Variants in BAZ1B observed in about 807,000 individuals in gnomAD.
BAZ1B encodes the protein tyrosine-protein kinase BAZ1B.
A neutral mutation model predicts 153.8 loss-of-function variants in BAZ1B; 22 were observed. The ratio of observed to expected loss-of-function variants is 0.14; its 90% CI spans 0.10 to 0.20. The LOEUF is 0.20. Ranked by LOEUF, BAZ1B falls within the 10% of genes least tolerant of loss-of-function variation. The pLI is 1.00. For missense variants in BAZ1B, 1,325 were observed against 1,799.3 expected, an observed-to-expected ratio of 0.74 and a Z score of 4.77; for synonymous variants, 676 against 633.4, an observed-to-expected ratio of 1.07 and a Z score of -1.01.
At chr7:73,454,507 T>C (rs1402362916) in intron 13 of BAZ1B, among the ~76,000 whole-genome samples, 2 of 152,108 alleles carry the variant, frequency 1.3e-5, no homozygotes, top group African/African-American at 4.8e-5. Flanking sequence ...CAGGAAGAAA[T>C]GTAGGGGGAA....
In BAZ1B at chr7:73,500,866, G is replaced by T. The variant is rs190941790; in HGVS notation, c.370-2168C>A. ...AGATCGCGCCATTGCACTCCAGCCT[G>T]GGCAACAAGCAAAACTCTGTTTATA... On this transcript the variant is annotated intron_variant, in intron 3 of 19. Transcript: ENST00000339594. 4.7e-5 allele frequency among the ~76,000 whole-genome samples: 7 copies of T among 150,242 alleles called. No homozygotes were observed. In the East Asian group the frequency reaches 1.4e-3, roughly 29 times the overall value.
chr7:73,480,336 C>T (rs1161433343), intron 6 of BAZ1B, among the ~76,000 whole-genome samples: 1 of 152,070 alleles, frequency 6.6e-6, no homozygotes, highest in African/African-American at 2.4e-5. Context: ...CATATACAAT[C>T]AGTTAACAGG....
chr7:73,446,028 G>A (rs1461936228), intron 16 of BAZ1B, among the ~76,000 whole-genome samples: 1 of 152,168 alleles, frequency 6.6e-6, no homozygotes. Flanking sequence ...GAGCCCATAC[G>A]TATGTGAGAG....
chr7:73,485,503 G>C (rs1386379564), intron 6 of BAZ1B, among the ~76,000 whole-genome samples: 1 of 151,830 alleles, frequency 6.6e-6, no homozygotes, highest in Non-Finnish European at 1.5e-5. Context: ...GTGAGCACCG[G>C]TAATCCTAGC....
intron 3 of BAZ1B, among the ~76,000 whole-genome samples, chr7:73,506,283 G>T (rs1206618140): frequency 2.0e-5 from 3 of 151,876 alleles, no homozygotes; most frequent in Non-Finnish European, 4.4e-5. Context: ...TGGATCACAA[G>T]GTCTGGAGAT....
chr7:73,449,018 G>A (rs961174531), intron 15 of BAZ1B, among the ~76,000 whole-genome samples: 10 of 152,252 alleles, frequency 6.6e-5, no homozygotes, highest in Middle Eastern at 3.4e-3. Flanking sequence ...AAATGATAGC[G>A]GAGACCACGG....
At chr7:73,506,681 G>A (rs1285089485) in intron 3 of BAZ1B, among the ~76,000 whole-genome samples, 3 of 146,034 alleles carry the variant, frequency 2.1e-5, no homozygotes, top group Non-Finnish European at 4.5e-5. Flanking sequence ...GAGAGAACCC[G>A]TCTCTACCAA....
Position 73,463,239 on chromosome 7 carries a change from CTTTTTTTT to C in BAZ1B, c.3072-148_3072-141del, listed in dbSNP as rs11340027. 157 of 466,544 alleles carry C rather than the reference CTTTTTTTT, an allele frequency of 3.4e-4. 1 individual carries two copies. The highest frequency in any genetic ancestry group is 2.6e-3 in the East Asian group (57 of 22,220). 28.9% of individuals were successfully genotyped at this position (466,544 alleles called of 1,614,324 possible). A position where few individuals can be genotyped will look rare whatever the true frequency, so the allele number is the denominator to read the frequency against. ...CTCTCCCTGGTGTTTTTTCTTTTTT[CTTTTTTTT>C]TTTTTTTTTTCCCCCGAGACAGGGT... On this transcript the variant is annotated intron_variant, in intron 11 of 19. Transcript: ENST00000339594.
intron 13 of BAZ1B, among the ~76,000 whole-genome samples, chr7:73,452,764 C>T (rs1788065920): frequency 6.6e-6 from 1 of 151,532 alleles, no homozygotes; most frequent in African/African-American, 2.4e-5. Flanking sequence ...TCAGCAGGCT[C>T]CTCGACTTAT....
At position 73,487,843 on chromosome 7, in the gene BAZ1B, T is replaced by C. The variant is rs544508274; in HGVS notation, c.891+1351A>G. Reference sequence around the variant, plus strand: ...GCCAATTACTTTCTAAATTTTTCCTTTTAAGCAAATAATAATAATTTAAAG... The same window carrying C: ...GCCAATTACTTTCTAAATTTTTCCTCTTAAGCAAATAATAATAATTTAAAG... On this transcript the variant is annotated intron_variant, in intron 6 of 19. Transcript: ENST00000339594. Among the ~76,000 whole-genome samples, 13 of 152,350 alleles carry C rather than the reference T, an allele frequency of 8.5e-5. No individual in the cohort carries two copies. The East Asian group carries it at 2.5e-3, about 29-fold the overall frequency.
Position 73,477,069 on chromosome 7 carries a change from G to A in BAZ1B, c.2392C>T (p.Arg798Trp), listed in dbSNP as rs782443863. 7.4e-6 allele frequency: 12 copies of A among 1,613,668 alleles called. No individual in the cohort carries two copies. Among genetic ancestry groups the A allele is most frequent in the African/African-American group, 1.3e-5 (1 of 74,760 alleles). The stretch of plus-strand genomic sequence containing the variant: ...TTATTTTTGGCTTCCATTTCTTTCC[G>A]TTTCTGTTTCTCTGCTCTCTTCTTA... ...NDKKRAEKQK[R>W]KEMEAKNKEN... The change falls in exon 7 of 20, where the codon CGG becomes TGG. Residue 798 changes from arginine to tryptophan, a missense_variant. Physicochemically the swap from Arg to Trp is moderately radical, Grantham distance 101. Transcript: ENST00000339594. The surrounding 1 kb of genome is among the most constrained non-coding windows in gnomAD (Gnocchi z 5.6).
At chr7:73,487,641 G>GT (rs1789461604) in intron 6 of BAZ1B, among the ~76,000 whole-genome samples, 1 of 152,174 alleles carries the variant, frequency 6.6e-6, no homozygotes, top group Non-Finnish European at 1.5e-5. Context: ...GTTTCATGGA[G>GT]TTCTCATATA....
rs782661127 is a variant in BAZ1B at position 73,507,897 on chromosome 7, C to G, written c.369+430G>C. 3.6e-4 allele frequency among the ~76,000 whole-genome samples: 55 copies of G among 152,052 alleles called. 1 individual carries two copies. The highest frequency in any genetic ancestry group is 5.3e-4 in the Non-Finnish European group (36 of 68,008). On this transcript the variant is annotated intron_variant, in intron 3 of 19. Coordinates refer to ENST00000339594, the MANE Select transcript of BAZ1B (RefSeq NM_032408.4). The stretch of plus-strand genomic sequence containing the variant: ...CAAATAAATAAAAATAAAATTTAGT[C>G]CTTATAATAATTGATGGGAGGCCAA...
chr7:73,466,478 C>T, intron 9 of BAZ1B, 77 bp from the exon 10 acceptor site: 3 of 898,448 alleles, frequency 3.3e-6, no homozygotes, highest in Non-Finnish European at 5.4e-6. Flanking sequence ...GTACACAGTG[C>T]CAAACTCAAC....
chr7:73,472,498 T>C (rs1788843667), intron 7 of BAZ1B, among the ~76,000 whole-genome samples: 1 of 152,216 alleles, frequency 6.6e-6, no homozygotes, highest in Non-Finnish European at 1.5e-5. Flanking sequence ...CCTCAGGTGA[T>C]CCGCCCACCT....
chr7:73,518,404 C>G lies in BAZ1B; in HGVS notation c.107+3423G>C, dbSNP rs868915005. Reference sequence around the variant, plus strand: ...CTCCAGCCTGGGCGACAGAGCGAGACTCCGTCTCAAAAAATAAATAAATAA... The same window carrying G: ...CTCCAGCCTGGGCGACAGAGCGAGAGTCCGTCTCAAAAAATAAATAAATAA... On this transcript the variant is annotated intron_variant, in intron 1 of 19. Transcript: ENST00000339594. 5.3e-5 allele frequency among the ~76,000 whole-genome samples: 8 copies of G among 151,224 alleles called. 1 individual carries two copies. The Middle Eastern group carries it at 0.02, about 386-fold the overall frequency.
rs781861600 is a variant in BAZ1B at position 73,478,329 on chromosome 7, G to C, written c.1132C>G (p.Leu378Val). Residue 378 changes from leucine (L) to valine (V), a missense_variant, in exon 7 of 20, where the codon CTG becomes GTG. This residue lies in a region of BAZ1B where 219 missense variants were observed against 248.2 expected (regional missense o/e 0.88). Coordinates refer to ENST00000339594, the MANE Select transcript of BAZ1B (RefSeq NM_032408.4). ...EMMKMMSPNK[L>V]HTNFHIPKKG... ...TTAGGAATGTGAAAGTTAGTGTGCA[G>C]CTTATTGGGCGACATCATCTTCATC... 4 of 1,613,814 alleles carry C rather than the reference G, an allele frequency of 2.5e-6. No homozygotes were observed. The African/African-American group carries it at 5.3e-5, about 22-fold the overall frequency.
At chr7:73,513,885 C>A (rs185104448) in intron 1 of BAZ1B, among the ~76,000 whole-genome samples, 1 of 151,512 alleles carries the variant, frequency 6.6e-6, no homozygotes, top group African/African-American at 2.4e-5. Context: ...AAAAAAAAAA[C>A]TCACTGTGTC....
intron 7 of BAZ1B, among the ~76,000 whole-genome samples, chr7:73,471,888 CGA>C (rs1420503282): frequency 1.4e-5 from 2 of 146,372 alleles, no homozygotes; most frequent in Admixed American, 6.8e-5. Flanking sequence ...AAAAAAAAAG[CGA>C]GAGAGTGAGT....
Sources: gnomAD v4.1 joint callset for allele counts (sites outside exome capture counted in the v4.1 genomes callset) on GRCh38, gnomAD v4.1.1 for gene constraint, gnomAD v4.1.1 regional missense constraint, Gnocchi (gnomAD v3.1) non-coding constraint, MANE v1.5 for transcripts, NCBI Gene and HGNC (gene_info 2026-07-23, HGNC 2026-07-21) for gene names.